The following MACROD1 variants were observed in gnomAD, a reference collection of about 807,000 sequenced individuals.
The protein encoded by MACROD1 is mono-ADP ribosylhydrolase 1.
A neutral mutation model predicts 41.4 loss-of-function variants in MACROD1; 31 were observed. The ratio of observed to expected loss-of-function variants is 0.75; its 90% confidence interval spans 0.56 to 1.01. MACROD1 has a LOEUF of 1.01. Ranked by LOEUF, MACROD1 falls within the 50% of genes least tolerant of loss-of-function variation. MACROD1 has a pLI of 0.00. For synonymous variants in MACROD1, 252 were observed against 203.4 expected, an observed-to-expected ratio of 1.24 and a Z score of -2.03; for missense variants, 473 against 460.0, an observed-to-expected ratio of 1.03 and a Z score of -0.26.
chr11:64,037,327 C>A (rs974954002), intron 3 of MACROD1, among the ~76,000 whole-genome samples: 22 of 152,164 alleles, frequency 1.4e-4, no homozygotes, highest in African/African-American at 5.1e-4. Context: ...TGTCTCTGCC[C>A]GGCGGCCGCG....
chr11:64,095,645 G>T (rs1026713457), intron 3 of MACROD1, among the ~76,000 whole-genome samples: 3 of 152,230 alleles, frequency 2.0e-5, no homozygotes, highest in African/African-American at 7.2e-5. Context: ...TGAGTAACTC[G>T]GATGATGGCA....
rs1945005930 is a variant in MACROD1 at position 64,117,309 on chromosome 11, G to A, written c.517+33930C>T. The A allele has an allele frequency of 1.9e-6, 3 of 1,614,024 alleles. No individual in the cohort carries two copies. Among genetic ancestry groups the A allele is most frequent in the Non-Finnish European group, 1.7e-6 (2 of 1,180,018 alleles). On this transcript the variant is annotated intron_variant, in intron 3 of 10. Transcript: ENST00000255681. ...GCGGGACTGGGTGAAGGCACGGGCGGCCGTGGTCAACGTGCGGGGCCTCAT... is the reference window on the plus strand; with the variant it reads ...GCGGGACTGGGTGAAGGCACGGGCGACCGTGGTCAACGTGCGGGGCCTCAT...
chr11:64,070,031 G>A (rs966470745), intron 3 of MACROD1, among the ~76,000 whole-genome samples: 5 of 152,112 alleles, frequency 3.3e-5, no homozygotes, highest in East Asian at 1.9e-4. Flanking sequence ...AGAGGTGTCC[G>A]CCAGACCAGG....
chr11:64,087,271 G>C (rs1383228187), intron 3 of MACROD1: 1 of 152,290 alleles, frequency 6.6e-6, no homozygotes, highest in Non-Finnish European at 1.5e-5. Context: ...CATGCCCTCT[G>C]TGCAGGGAAA....
At chr11:64,027,444 T>C (rs1047961457) in intron 3 of MACROD1, among the ~76,000 whole-genome samples, 3 of 152,070 alleles carry the variant, frequency 2.0e-5, no homozygotes, top group Non-Finnish European at 4.4e-5. Flanking sequence ...ATTGAGCCCA[T>C]GGGACCAAAG....
At chr11:64,105,550 T>G (rs1440909023) in intron 3 of MACROD1, among the ~76,000 whole-genome samples, 5 of 152,040 alleles carry the variant, frequency 3.3e-5, no homozygotes, top group Non-Finnish European at 7.4e-5. Context: ...GAGAGAGCAT[T>G]CTATGACGTG....
chr11:64,154,482 C>T (rs550282138), intron 1 of MACROD1, among the ~76,000 whole-genome samples: 67 of 152,110 alleles, frequency 4.4e-4, no homozygotes, highest in Non-Finnish European at 5.0e-4. Context: ...GTGTGCATCT[C>T]ATCCCCATCT....
intron 1 of MACROD1, among the ~76,000 whole-genome samples, chr11:64,164,771 A>G (rs1945811275): frequency 6.6e-6 from 1 of 150,468 alleles, no homozygotes; most frequent in South Asian, 2.1e-4. Context: ...AGGCCCAGCC[A>G]ATTAGCCACT....
rs998718875 is a variant in MACROD1, at chr11:64,082,558, G to A, written c.518-67277C>T. Among the ~76,000 whole-genome samples the A allele has an allele frequency of 6.6e-6, 1 of 152,102 alleles. No homozygotes were observed. Among genetic ancestry groups the A allele is most frequent in the African/African-American group, 2.4e-5 (1 of 41,412 alleles). On this transcript the variant is annotated intron_variant, in intron 3 of 10. Transcript: ENST00000255681. This position sits in a 1 kb window ranked among gnomAD's most constrained non-coding sequence, Gnocchi z 4.5. ...GGCCGTGGGAGTCAGAGCTCCAGGC[G>A]GAAGTAGGGTTCAGATTCAGGTGAA... is the stretch of plus-strand genomic sequence containing the variant.
Position 64,021,943 on chromosome 11 carries a change from G to A in MACROD1, c.518-6662C>T, listed in dbSNP as rs1217960307. Among the ~76,000 whole-genome samples, 39 of 71,212 alleles carry A rather than the reference G, an allele frequency of 5.5e-4. 6 individuals are homozygous for A. Among genetic ancestry groups the A allele is most frequent in the Non-Finnish European group, 1.2e-3 (36 of 31,284 alleles). 46.7% of individuals were successfully genotyped at this position (71,212 alleles called of 152,430 possible). The stretch of plus-strand genomic sequence containing the variant: ...GGAGTGGCAGGGGGCCGGGGGGGGG[G>A]GGGGGGGGTGTGAGGTGGCGGCGGG... On this transcript the variant is annotated intron_variant, in intron 3 of 10. Transcript: ENST00000255681.
At chr11:64,155,484 G>A (rs1219945265) in intron 1 of MACROD1, among the ~76,000 whole-genome samples, 1 of 152,238 alleles carries the variant, frequency 6.6e-6, no homozygotes, top group African/African-American at 2.4e-5. Flanking sequence ...CTCTGGAATA[G>A]GGACAAGGCA....
intron 3 of MACROD1, among the ~76,000 whole-genome samples, chr11:64,104,453 T>C (rs1308096884): frequency 6.6e-6 from 1 of 151,648 alleles, no homozygotes; most frequent in African/African-American, 2.4e-5. Context: ...GGACCCAGGA[T>C]GTAATGGAGT....
At chr11:64,044,775 A>C (rs2134396391) in intron 3 of MACROD1, among the ~76,000 whole-genome samples, 1 of 152,188 alleles carries the variant, frequency 6.6e-6, no homozygotes, top group African/African-American at 2.4e-5. Flanking sequence ...CTCCCCCCTC[A>C]CCAGACCCCT....
chr11:64,126,366 G>A (rs2134645939), intron 3 of MACROD1, among the ~76,000 whole-genome samples: 1 of 152,230 alleles, frequency 6.6e-6, no homozygotes, highest in East Asian at 1.9e-4. Context: ...ACGGAGGGTG[G>A]AGTGGTGTGT....
At chr11:64,135,546 A>G (rs1384652304) in intron 3 of MACROD1, among the ~76,000 whole-genome samples, 1 of 152,184 alleles carries the variant, frequency 6.6e-6, no homozygotes, top group Non-Finnish European at 1.5e-5. Context: ...AGCATTCCAC[A>G]TTTCAGTGGA....
chr11:64,028,518 G>C (rs1754330783), intron 3 of MACROD1, among the ~76,000 whole-genome samples: 1 of 152,234 alleles, frequency 6.6e-6, no homozygotes, highest in African/African-American at 2.4e-5. Context: ...AGGTCAGTGT[G>C]GCAGCCATTG....
At chr11:64,046,946 G>C (rs771323024) in intron 3 of MACROD1, among the ~76,000 whole-genome samples, 1 of 152,198 alleles carries the variant, frequency 6.6e-6, no homozygotes, top group Non-Finnish European at 1.5e-5. Context: ...GAGACCATCA[G>C]TGGCTCTCTA....
At chr11:64,030,200 T>C (rs1220684422) in intron 3 of MACROD1, among the ~76,000 whole-genome samples, 3 of 136,486 alleles carry the variant, frequency 2.2e-5, no homozygotes, top group Admixed American at 7.2e-5. Context: ...ACCCAGACTC[T>C]ACCCACTCCC....
In MACROD1 at chr11:64,165,823, A is replaced by C. The variant is rs1468601751; in HGVS notation, c.172T>G (p.Ser58Ala). 6.7e-7 allele frequency: 1 copy of C among 1,481,574 alleles called. No individual in the cohort carries two copies. The highest frequency in any genetic ancestry group is 8.9e-7 in the Non-Finnish European group (1 of 1,117,720). 91.8% of individuals were successfully genotyped at this position (1,481,574 alleles called of 1,614,324 possible). The change falls in exon 1 of 11, where the codon TCG (serine) becomes GCG (alanine). Residue 58 changes from serine to alanine, a missense_variant. Physicochemically the swap from Ser to Ala is moderately conservative, Grantham distance 99. Coordinates refer to ENST00000255681, the MANE Select transcript of MACROD1 (RefSeq NM_014067.4). ...LGVFGRRARTSAGVGAWGAAA... is the reference protein window; with the variant it reads ...LGVFGRRARTAAGVGAWGAAA... Reference sequence around the variant, plus strand: ...GCCCCCCACGCCCCAACTCCCGCCGAGGTCCGCGCACGGCGGCCGAACACG... The same window carrying C: ...GCCCCCCACGCCCCAACTCCCGCCGCGGTCCGCGCACGGCGGCCGAACACG...
Sources: gnomAD v4.1 joint callset for allele counts (sites outside exome capture counted in the v4.1 genomes callset) on GRCh38, gnomAD v4.1.1 for gene constraint, Gnocchi (gnomAD v3.1) non-coding constraint, MANE v1.5 for transcripts, NCBI Gene and HGNC (gene_info 2026-07-23, HGNC 2026-07-21) for gene names.